GATB: variants seen among roughly 807,000 people sequenced by gnomAD.
GATB encodes the protein glutamyl-tRNA(Gln) amidotransferase subunit B, mitochondrial.
In GATB, 39 loss-of-function variants were observed where a neutral mutation model predicts 62.3. The observed-to-expected ratio is 0.63, with a 90% CI of 0.48 to 0.82. GATB has a LOEUF of 0.82. GATB is among the 40% of genes least tolerant of loss of function. GATB has a pLI of 0.00. For synonymous variants in GATB, 276 were observed against 258.9 expected, an observed-to-expected ratio of 1.07 and a Z score of -0.63; for missense variants, 670 against 684.0, an observed-to-expected ratio of 0.98 and a Z score of 0.23.
chr4:151,719,445 A>G lies in GATB; in HGVS notation c.421T>C (p.Tyr141His). 1 of 1,611,566 alleles carries G rather than the reference A, an allele frequency of 6.2e-7. No individual in the cohort carries two copies. Among genetic ancestry groups the G allele is most frequent in the Non-Finnish European group, 8.5e-7 (1 of 1,178,554 alleles). ...NKKSLFDRKH[Y>H]FYADLPAGYQ... is the part of the protein sequence containing the mutation. The stretch of plus-strand genomic sequence containing the variant: ...CTTACAGGGAGGTCTGCATAGAAGT[A>G]GTGCTTCCTGTCAAACAAGGACTTC... The change falls in exon 3 of 13, where the codon TAC (tyrosine) becomes CAC (histidine). Residue 141 changes from tyrosine to histidine, a missense_variant. Tyr to His is a moderately conservative substitution (Grantham distance 83, BLOSUM62 2). Transcript: ENST00000263985.
chr4:151,751,647 T>C (rs1209915901), intron 2 of GATB, among the ~76,000 whole-genome samples: 3 of 152,266 alleles, frequency 2.0e-5, no homozygotes, highest in African/African-American at 7.2e-5. Context: ...ACAGTTTTTA[T>C]TAAATCAGTA....
intron 7 of GATB, 49 bp downstream of exon 7, chr4:151,705,136 C>T: frequency 7.4e-7 from 1 of 1,351,862 alleles, no homozygotes; most frequent in Non-Finnish European, 1.1e-6. Flanking sequence ...GCCCAGCCCT[C>T]TCGCACCACC....
At chr4:151,743,615 A>G (rs576600304) in intron 2 of GATB, among the ~76,000 whole-genome samples, 178 of 152,352 alleles carry the variant, frequency 1.2e-3, no homozygotes, top group African/African-American at 4.0e-3. Context: ...ACTGAACTGG[A>G]AGTGAGAAAC....
At chr4:151,705,890 C>T (rs1200460096) in intron 6 of GATB, among the ~76,000 whole-genome samples, 2 of 152,062 alleles carry the variant, frequency 1.3e-5, no homozygotes, top group East Asian at 3.9e-4. Flanking sequence ...AGCCTAGTCT[C>T]AATCTCTTGG....
chr4:151,712,901 T>C (rs185449431), intron 5 of GATB, among the ~76,000 whole-genome samples: 12 of 152,320 alleles, frequency 7.9e-5, no homozygotes, highest in Admixed American at 3.3e-4. Context: ...GGACAGGTAC[T>C]GGTCTGTGGC....
At chr4:151,740,568 T>C (rs1225257095) in intron 2 of GATB, among the ~76,000 whole-genome samples, 1 of 152,230 alleles carries the variant, frequency 6.6e-6, no homozygotes, top group Non-Finnish European at 1.5e-5. Flanking sequence ...ACCACCATCA[T>C]ATATGTAGTC....
intron 5 of GATB, among the ~76,000 whole-genome samples, chr4:151,715,369 G>A (rs546951391): frequency 6.6e-6 from 1 of 152,340 alleles, no homozygotes; most frequent in Admixed American, 6.5e-5. Context: ...CCAGGGCAAA[G>A]GATACCTAGA....
intron 6 of GATB, among the ~76,000 whole-genome samples, chr4:151,706,184 G>A (rs1204808921): frequency 6.6e-6 from 1 of 152,206 alleles, no homozygotes; most frequent in African/African-American, 2.4e-5. Flanking sequence ...GACATAGGGA[G>A]AAAAAGGTGG....
intron 9 of GATB, among the ~76,000 whole-genome samples, chr4:151,696,636 C>T (rs963694888): frequency 4.6e-5 from 7 of 152,134 alleles, no homozygotes; most frequent in African/African-American, 1.4e-4. Context: ...GCAGTCCCTG[C>T]CTCAGAGGGT....
At chr4:151,760,776 T>G in intron 1 of GATB, 31 bp downstream of exon 1, 1 of 1,534,504 alleles carries the variant, frequency 6.5e-7, no homozygotes, top group Non-Finnish European at 8.8e-7. Flanking sequence ...ACCTCACAGT[T>G]AGGTGGGCAG....
At chr4:151,733,880 C>T (rs1739317800) in intron 2 of GATB, among the ~76,000 whole-genome samples, 1 of 152,118 alleles carries the variant, frequency 6.6e-6, no homozygotes, top group East Asian at 1.9e-4. Context: ...GCAGAAAGGG[C>T]ATTCGACAAA....
intron 2 of GATB, among the ~76,000 whole-genome samples, chr4:151,756,182 A>C (rs1380834034): frequency 6.6e-6 from 1 of 152,224 alleles, no homozygotes; most frequent in Non-Finnish European, 1.5e-5. Context: ...TATCATCATG[A>C]ATCACACTTA....
At chr4:151,727,799 C>A (rs1440643296) in intron 2 of GATB, among the ~76,000 whole-genome samples, 1 of 152,176 alleles carries the variant, frequency 6.6e-6, no homozygotes, top group Non-Finnish European at 1.5e-5. Context: ...TAACTTCACA[C>A]ATAGCAGACA....
chr4:151,717,027 C>T lies in GATB; in HGVS notation c.489G>A (p.Gly163=), dbSNP rs779804571. The T allele has an allele frequency of 3.0e-5, 48 of 1,614,018 alleles. No homozygotes were observed. Among genetic ancestry groups the T allele is most frequent in the Non-Finnish European group, 4.1e-5 (48 of 1,180,042 alleles). The change falls in exon 4 of 13, where the codon GGG becomes GGA. Residue 163 remains glycine (G), a synonymous_variant. Transcript: ENST00000263985. ...CTGCACAGACGCCATATATCAAGCT[C>T]CCATTCACAGCAATTGGGAGCCTCT... ...TQQRLPIAVN[G]SLIYGVCAGK...
At chr4:151,697,856 C>T (rs1205084322) in intron 9 of GATB, among the ~76,000 whole-genome samples, 1 of 147,702 alleles carries the variant, frequency 6.8e-6, no homozygotes. Context: ...GCCAAGATGG[C>T]GCCACTGCAC....
chr4:151,715,154 T>C (rs545404497), intron 5 of GATB, among the ~76,000 whole-genome samples: 1 of 152,318 alleles, frequency 6.6e-6, no homozygotes, highest in Non-Finnish European at 1.5e-5. Context: ...ATCAACGGGA[T>C]TTCCTGGGCA....
intron 2 of GATB, chr4:151,722,386 G>A (rs528738164): frequency 3.7e-5 from 21 of 572,956 alleles, no homozygotes; most frequent in African/African-American, 1.7e-4. Context: ...TGCTAAAATT[G>A]TGGATCTGTG....
chr4:151,703,466 T>G (rs1236820911), intron 8 of GATB: 1 of 227,142 alleles, frequency 4.4e-6, no homozygotes, highest in Non-Finnish European at 8.7e-6. Flanking sequence ...CAACATCTCT[T>G]TTCTCATTTC....
At chr4:151,756,310 A>T (rs1306055944) in intron 2 of GATB, among the ~76,000 whole-genome samples, 3 of 152,244 alleles carry the variant, frequency 2.0e-5, no homozygotes, top group Non-Finnish European at 4.4e-5. Context: ...GAGTCTGGCT[A>T]TCAGAGCATG....
Sources: gnomAD v4.1 joint callset for allele counts (sites outside exome capture counted in the v4.1 genomes callset) on GRCh38, gnomAD v4.1.1 for gene constraint, MANE v1.5 for transcripts, NCBI Gene and HGNC (gene_info 2026-07-23, HGNC 2026-07-21) for gene names.